Variants in SERAC1 observed in about 807,000 individuals in gnomAD.
The protein encoded by SERAC1 is serine active site containing 1.
Under a neutral mutation model 85.7 loss-of-function variants are expected in SERAC1, and 36 were observed. The ratio of observed to expected loss-of-function variants is 0.42; its 90% CI spans 0.32 to 0.55. The LOEUF (loss-of-function observed/expected upper bound fraction) is 0.55, where lower values mean the gene tolerates loss of function less well. SERAC1 is among the 20% of genes least tolerant of loss of function. SERAC1 has a pLI of 0.11. For synonymous variants in SERAC1, 242 were observed against 265.3 expected, an observed-to-expected ratio of 0.91 and a Z score of 0.85; for missense variants, 629 against 796.2, an observed-to-expected ratio of 0.79 and a Z score of 2.53.
intron 1 of SERAC1, among the ~76,000 whole-genome samples, chr6:158,167,240 A>G (rs1785620716): frequency 6.6e-6 from 1 of 150,688 alleles, no homozygotes; most frequent in African/African-American, 2.4e-5. Flanking sequence ...AAAAAAAAAA[A>G]AAAAAAGGCA....
intron 8 of SERAC1, among the ~76,000 whole-genome samples, chr6:158,132,016 T>A (rs562752778): frequency 7.0e-6 from 1 of 143,340 alleles, no homozygotes; most frequent in South Asian, 2.2e-4. Context: ...AGAGAGAGAG[T>A]GTGTGTGTTG....
intron 10 of SERAC1, among the ~76,000 whole-genome samples, chr6:158,126,808 T>G (rs905380715): frequency 6.6e-6 from 1 of 152,130 alleles, no homozygotes; most frequent in Non-Finnish European, 1.5e-5. Flanking sequence ...CTCAACACTA[T>G]GGGAGGCCAA....
At chr6:158,144,506 C>A in intron 6 of SERAC1, 86 bp from the exon 7 acceptor site, 1 of 1,334,996 alleles carries the variant, frequency 7.5e-7, no homozygotes, top group East Asian at 2.4e-5. Context: ...CTTGAAAGCA[C>A]TCTAATTTTT....
At chr6:158,158,219 A>G in intron 2 of SERAC1, 54 bp downstream of exon 2, 1 of 1,356,840 alleles carries the variant, frequency 7.4e-7, no homozygotes, top group Non-Finnish European at 1.0e-6. Context: ...AGAAATGGCC[A>G]CAATTCTATC....
chr6:158,121,040 C>A (rs1784407655), intron 10 of SERAC1, among the ~76,000 whole-genome samples: 1 of 151,972 alleles, frequency 6.6e-6, no homozygotes, highest in African/African-American at 2.4e-5. Flanking sequence ...ACACAAAACT[C>A]TTGTAGAATC....
Position 158,154,914 on chromosome 6 carries a change from T to C in SERAC1, c.128+401A>G, listed in dbSNP as rs144676567. 3.0e-3 allele frequency among the ~76,000 whole-genome samples: 446 copies of C among 150,680 alleles called. 1 individual carries two copies. The highest frequency in any genetic ancestry group is 0.01 in the African/African-American group (415 of 40,838). ...AGCGTGCCGGAGCTGAGTGAGTGCCTGATTTAAGTGTGCCGGAGCTGAGTG... is the reference window on the plus strand; with the variant it reads ...AGCGTGCCGGAGCTGAGTGAGTGCCCGATTTAAGTGTGCCGGAGCTGAGTG... On this transcript the variant is annotated intron_variant, in intron 3 of 16. Coordinates refer to ENST00000647468, the MANE Select transcript of SERAC1 (RefSeq NM_032861.4).
At chr6:158,129,950 C>T (rs1039298457) in intron 9 of SERAC1, among the ~76,000 whole-genome samples, 3 of 152,154 alleles carry the variant, frequency 2.0e-5, no homozygotes, top group African/African-American at 4.8e-5. Flanking sequence ...CCCGCCTCAG[C>T]CTCCCAAAGT....
intron 8 of SERAC1, among the ~76,000 whole-genome samples, chr6:158,132,503 G>A (rs1784701646): frequency 6.6e-6 from 1 of 152,094 alleles, no homozygotes; most frequent in East Asian, 1.9e-4. Flanking sequence ...TTTAGTTGAA[G>A]ATTTATCGCC....
chr6:158,149,096 T>G, intron 4 of SERAC1, 142 bp from the exon 5 acceptor site: 2 of 572,882 alleles, frequency 3.5e-6, no homozygotes, highest in Non-Finnish European at 3.0e-6. Context: ...TTCACCCCAT[T>G]CTCCTGCTTC....
intron 1 of SERAC1, among the ~76,000 whole-genome samples, chr6:158,160,110 T>C (rs1305113259): frequency 6.6e-6 from 1 of 152,212 alleles, no homozygotes; most frequent in Non-Finnish European, 1.5e-5. Context: ...AAACGGCCAT[T>C]GAACAGCCTT....
intron 1 of SERAC1, among the ~76,000 whole-genome samples, chr6:158,159,629 T>C (rs1379877050): frequency 2.9e-5 from 2 of 69,162 alleles, no homozygotes; most frequent in Non-Finnish European, 5.8e-5. Context: ...TAAGATTATC[T>C]TTTTTTTTTT....
rs1381226953 is a variant in SERAC1, at chr6:158,110,550, A to G, written c.*816T>C. 6.6e-6 allele frequency: 1 copy of G among 152,234 alleles called. No individual in the cohort carries two copies. The highest frequency in any genetic ancestry group is 2.4e-5 in the African/African-American group (1 of 41,464). 9.4% of individuals were successfully genotyped at this position (152,234 alleles called of 1,614,324 possible). A position where few individuals can be genotyped will look rare whatever the true frequency, so the allele number is the denominator to read the frequency against. Reference sequence around the variant, plus strand: ...AGAGGTCAATTAATACCACTTGCAAATGAGCAAGGAAGAAGAAAGGTTTAT... The same window carrying G: ...AGAGGTCAATTAATACCACTTGCAAGTGAGCAAGGAAGAAGAAAGGTTTAT... On this transcript the variant is annotated 3_prime_UTR_variant, in exon 17 of 17. Transcript: ENST00000647468.
intron 2 of SERAC1, among the ~76,000 whole-genome samples, chr6:158,156,921 T>C (rs1298642600): frequency 1.5e-5 from 2 of 132,934 alleles, no homozygotes; most frequent in Non-Finnish European, 1.5e-5. Flanking sequence ...TTTATATAAA[T>C]ATTAATATAT....
At chr6:158,116,338 C>T (rs1784289250) in intron 13 of SERAC1, 56 bp from the exon 14 acceptor site, 3 of 1,424,392 alleles carry the variant, frequency 2.1e-6, no homozygotes, top group East Asian at 4.6e-5. Flanking sequence ...CCTCAATTTG[C>T]TGTCTAATTT....
At chr6:158,166,692 G>A (rs960986321) in intron 1 of SERAC1, among the ~76,000 whole-genome samples, 8 of 152,066 alleles carry the variant, frequency 5.3e-5, no homozygotes, top group African/African-American at 1.9e-4. Flanking sequence ...TCTGTCTAAA[G>A]GACTACACAG....
intron 6 of SERAC1, chr6:158,146,539 G>C (rs966600593): frequency 9.1e-5 from 29 of 320,054 alleles, no homozygotes; most frequent in African/African-American, 6.0e-4. Flanking sequence ...CTCTCGAGTA[G>C]CTGGGACTAC....
rs538931745 is a variant in SERAC1 at position 158,117,255 on chromosome 6, A to G, written c.1403+472T>C. 4.7e-4 allele frequency: 224 copies of G among 480,584 alleles called. No individual in the cohort carries two copies. Among genetic ancestry groups the G allele is most frequent in the Middle Eastern group, 1.7e-3 (3 of 1,762 alleles). 29.8% of individuals were successfully genotyped at this position (480,584 alleles called of 1,614,324 possible). ...TGGTCTAAGACTGCACAGCAAATCAAAGGTAGGATCCGGCTACTCTCAGTC... is the reference window on the plus strand; with the variant it reads ...TGGTCTAAGACTGCACAGCAAATCAGAGGTAGGATCCGGCTACTCTCAGTC... On this transcript the variant is annotated intron_variant, in intron 13 of 16. Transcript: ENST00000647468. The surrounding 1 kb of genome is among the most constrained non-coding windows in gnomAD (Gnocchi z 4.3).
chr6:158,145,995 A>G (rs1209204291), intron 6 of SERAC1: 2 of 152,222 alleles, frequency 1.3e-5, no homozygotes, highest in Non-Finnish European at 1.5e-5. Context: ...TCCATTAAAA[A>G]TGATATACAC....
At chr6:158,165,401 C>G (rs140209149) in intron 1 of SERAC1, among the ~76,000 whole-genome samples, 1 of 152,156 alleles carries the variant, frequency 6.6e-6, no homozygotes, top group Non-Finnish European at 1.5e-5. Flanking sequence ...GTGATCCACC[C>G]GCCTCGGCCT....
Sources: allele counts gnomAD v4.1 joint callset (sites outside exome capture counted in the v4.1 genomes callset), GRCh38; gene constraint gnomAD v4.1.1; non-coding constraint Gnocchi (gnomAD v3.1); transcripts MANE v1.5; gene names NCBI Gene and HGNC (gene_info 2026-07-23, HGNC 2026-07-21).